NEURL4: variants seen among roughly 807,000 people sequenced by gnomAD.
NEURL4 encodes neuralized E3 ubiquitin protein ligase 4.
A neutral mutation model predicts 148.0 loss-of-function variants in NEURL4; 45 were observed. The ratio of observed to expected loss-of-function variants is 0.30; its 90% CI spans 0.24 to 0.39. NEURL4 has a LOEUF of 0.39. NEURL4 is among the 10% of genes least tolerant of loss of function. NEURL4 has a pLI of 1.00. For missense variants in NEURL4, 1,776 were observed against 2,144.0 expected (o/e 0.83, Z 3.39); for synonymous variants, 854 against 869.0 (o/e 0.98, Z 0.30).
intron 1 of NEURL4, 62 bp downstream of exon 1, chr17:7,328,969 G>C (rs1488047367): frequency 1.4e-6 from 2 of 1,442,352 alleles, no homozygotes; most frequent in Admixed American, 5.0e-5. Flanking sequence ...GTCCTACCCC[G>C]TCTCCCTCTA....
chr17:7,324,411 T>C lies in NEURL4; in HGVS notation c.1883A>G (p.Asn628Ser), dbSNP rs1362264200. The stretch of plus-strand genomic sequence containing the variant: ...CTTTCCCACCTTGAGGCGGTCCAGA[T>C]TGTGCCCGTATTCATCCAGGATGGT... ...GTTILDEYGH[N>S]LDRLKAGDTV... Residue 628 changes from asparagine (N) to serine (S), a missense_variant, in exon 10 of 29, where the codon AAT becomes AGT. By Grantham distance (46) the Asn-to-Ser change is conservative. Coordinates refer to ENST00000399464, the MANE Select transcript of NEURL4 (RefSeq NM_032442.3). This position sits in a 1 kb window ranked among gnomAD's most constrained non-coding sequence, Gnocchi z 5.9. 6.2e-7 allele frequency: 1 copy of C among 1,614,184 alleles called. No individual in the cohort carries two copies. Among genetic ancestry groups the C allele is most frequent in the Non-Finnish European group, 8.5e-7 (1 of 1,180,022 alleles).
Position 7,326,644 on chromosome 17 carries a change from C to T in NEURL4, c.1092+67G>A, listed in dbSNP as rs1567623041. 6.2e-7 allele frequency: 1 copy of T among 1,605,454 alleles called. No homozygotes were observed. The highest frequency in any genetic ancestry group is 2.2e-5 in the East Asian group (1 of 44,696). ...TCCCCAGGGCCCACCCTCCTAGCAC[C>T]AAGGGTCAATCCCCATCTTTAGCTC... On this transcript the variant is annotated intron_variant, in intron 4 of 28. Transcript: ENST00000399464. The surrounding 1 kb of genome is among the most constrained non-coding windows in gnomAD (Gnocchi z 6.0).
In NEURL4 at chr17:7,327,374, G is replaced by A. The variant is rs1050434122; in HGVS notation, c.727+66C>T. On this transcript the variant is annotated intron_variant, in intron 2 of 28. Coordinates refer to ENST00000399464, the MANE Select transcript of NEURL4 (RefSeq NM_032442.3). This position sits in a 1 kb window ranked among gnomAD's most constrained non-coding sequence, Gnocchi z 6.6. ...GGGTGGCCCTGCCCACACCCAGCCT[G>A]TCTTGTCACTCTATTTCCCCCATTC... 6.1e-6 allele frequency: 9 copies of A among 1,463,916 alleles called. No homozygotes were observed. Among genetic ancestry groups the A allele is most frequent in the Non-Finnish European group, 8.3e-6 (9 of 1,080,424 alleles). 90.7% of individuals were successfully genotyped at this position (1,463,916 alleles called of 1,614,324 possible). A position where few individuals can be genotyped will look rare whatever the true frequency, so the allele number is the denominator to read the frequency against.
At position 7,322,910 on chromosome 17, in the gene NEURL4, C is replaced by G. The variant is rs372207664; in HGVS notation, c.2593+38G>C. On this transcript the variant is annotated intron_variant, in intron 15 of 28. Coordinates refer to ENST00000399464, the MANE Select transcript of NEURL4 (RefSeq NM_032442.3). This position sits in a 1 kb window ranked among gnomAD's most constrained non-coding sequence, Gnocchi z 5.5. ...GTCAGAAGCCTGACAGCCAGGTGGTCTGGGCTGAGGGTGGCAGGCTGAAAG... is the reference window on the plus strand; with the variant it reads ...GTCAGAAGCCTGACAGCCAGGTGGTGTGGGCTGAGGGTGGCAGGCTGAAAG... 5.8e-5 allele frequency: 93 copies of G among 1,611,104 alleles called. No individual in the cohort carries two copies. The highest frequency in any genetic ancestry group is 7.6e-5 in the Non-Finnish European group (89 of 1,177,588).
Position 7,324,596 on chromosome 17 carries a change from A to C in NEURL4, c.1814-116T>G, listed in dbSNP as rs1372053592. The C allele has an allele frequency of 3.5e-6, 4 of 1,129,554 alleles. No individual in the cohort carries two copies. The East Asian group carries it at 7.4e-5, about 21-fold the overall frequency. The allele number at this position is 1,129,554 out of a possible 1,614,324, so 70.0% of individuals were successfully genotyped here. Reference sequence around the variant, plus strand: ...AGTCCACCTTGCCTTTTCTTTGATGACTAGATTTCTTCCCTGAGCAGGACA... The same window carrying C: ...AGTCCACCTTGCCTTTTCTTTGATGCCTAGATTTCTTCCCTGAGCAGGACA... On this transcript the variant is annotated intron_variant, in intron 9 of 28. Coordinates refer to ENST00000399464, the MANE Select transcript of NEURL4 (RefSeq NM_032442.3). The surrounding 1 kb of genome is among the most constrained non-coding windows in gnomAD (Gnocchi z 5.9).
Position 7,318,821 on chromosome 17 carries a change from G to T in NEURL4, c.3685-147C>A. On this transcript the variant is annotated intron_variant, in intron 22 of 28. Coordinates refer to ENST00000399464, the MANE Select transcript of NEURL4 (RefSeq NM_032442.3). The surrounding 1 kb of genome is among the most constrained non-coding windows in gnomAD (Gnocchi z 4.3). ...GTTCTCCTCCCACTGCAGTTACCTA[G>T]AGCCCCTCCCCTTCCCCAAAACTGG... 1 of 995,144 alleles carries T rather than the reference G, an allele frequency of 1.0e-6. No individual in the cohort carries two copies. The highest frequency in any genetic ancestry group is 1.5e-6 in the Non-Finnish European group (1 of 687,536). The allele number at this position is 995,144 out of a possible 1,614,324, so 61.6% of individuals were successfully genotyped here. A position where few individuals can be genotyped will look rare whatever the true frequency, so the allele number is the denominator to read the frequency against.
chr17:7,318,320 C>T lies in NEURL4; in HGVS notation c.3901G>A (p.Gly1301Arg). 1 of 1,614,152 alleles carries T rather than the reference C, an allele frequency of 6.2e-7. No individual in the cohort carries two copies. Among genetic ancestry groups the T allele is most frequent in the Non-Finnish European group, 8.5e-7 (1 of 1,180,016 alleles). Residue 1301 changes from glycine to arginine, a missense_variant, in exon 24 of 29, where the codon GGG (glycine) becomes AGG (arginine). Transcript: ENST00000399464. This position sits in a 1 kb window ranked among gnomAD's most constrained non-coding sequence, Gnocchi z 4.3. Reference protein sequence around the residue: ...IVNPEPGAASGKSAGTQGDME... With the variant: ...IVNPEPGAASRKSAGTQGDME... The stretch of plus-strand genomic sequence containing the variant: ...TCCCCTTGGGTTCCAGCACTTTTCC[C>T]ACTGGCAGCCCCTGGCTCAGGGTTC...
chr17:7,322,071 A>G lies in NEURL4; in HGVS notation c.2726-61T>C, dbSNP rs1303218277. ...TGGGGCAGCGAGCTTCAGGCAGAAC[A>G]CAGAGCAAAGCTTTCAGATGAAACG... On this transcript the variant is annotated intron_variant, in intron 16 of 28. Transcript: ENST00000399464. This position sits in a 1 kb window ranked among gnomAD's most constrained non-coding sequence, Gnocchi z 5.5. 1.3e-6 allele frequency: 2 copies of G among 1,524,668 alleles called. No homozygotes were observed. The highest frequency in any genetic ancestry group is 1.4e-5 in the African/African-American group (1 of 72,386). 94.4% of individuals were successfully genotyped at this position (1,524,668 alleles called of 1,614,324 possible). A position where few individuals can be genotyped will look rare whatever the true frequency, so the allele number is the denominator to read the frequency against.
chr17:7,321,833 C>T lies in NEURL4; in HGVS notation c.2871+32G>A, dbSNP rs1245418788. ...AAGCTGGCCCTGTCGTGATGGGCCT[C>T]GCAGCCCCTCTGTCACATCACTACG... On this transcript the variant is annotated intron_variant, in intron 17 of 28. Coordinates refer to ENST00000399464, the MANE Select transcript of NEURL4 (RefSeq NM_032442.3). The surrounding 1 kb of genome is among the most constrained non-coding windows in gnomAD (Gnocchi z 6.3). 8.7e-6 allele frequency: 14 copies of T among 1,611,102 alleles called. No individual in the cohort carries two copies. The East Asian group carries it at 8.9e-5, about 10-fold the overall frequency.
Position 7,326,145 on chromosome 17 carries a change from C to G in NEURL4, c.1293+110G>C, listed in dbSNP as rs2073100935. 4.0e-6 allele frequency: 4 copies of G among 1,003,940 alleles called. No individual in the cohort carries two copies. In the Admixed American group the frequency reaches 8.2e-5, roughly 21 times the overall value. 62.2% of individuals were successfully genotyped at this position (1,003,940 alleles called of 1,614,324 possible). A position where few individuals can be genotyped will look rare whatever the true frequency, so the allele number is the denominator to read the frequency against. ...GGAAGGAACCTTTAGGTGGAAGATA[C>G]AGGGACTGCCTCTAGGTCACATAGG... On this transcript the variant is annotated intron_variant, in intron 6 of 28. Transcript: ENST00000399464. This position sits in a 1 kb window ranked among gnomAD's most constrained non-coding sequence, Gnocchi z 6.0.
rs2073061862 is a variant in NEURL4, at chr17:7,323,719, G to A, written c.2266C>T (p.Leu756=). 3.1e-6 allele frequency: 5 copies of A among 1,614,126 alleles called. No individual in the cohort carries two copies. In the East Asian group the frequency reaches 6.7e-5, roughly 22 times the overall value. ...ATTTCAAACAGCTCTCCATCCCGCA[G>A]GGCCCTGCCAGGAGACTGGCGATCA... ...NDAIVISNRA[L]RDGELFEIVI... Residue 756 remains leucine (L), a synonymous_variant, in exon 13 of 29, where the codon CTG becomes TTG. Transcript: ENST00000399464.
Position 7,317,698 on chromosome 17 carries a change from T to C in NEURL4, c.4205+90A>G, listed in dbSNP as rs1344717209. 1.4e-5 allele frequency: 22 copies of C among 1,575,916 alleles called. No homozygotes were observed. The Admixed American group carries it at 1.7e-4, about 12-fold the overall frequency. On this transcript the variant is annotated intron_variant, in intron 26 of 28. Transcript: ENST00000399464. ...TCCTGGCTTTTCCTTAGACAGGAAG[T>C]TCTATTACTTCTTCCATGCACCCTC...
rs975699536 is a variant in NEURL4 at position 7,326,114 on chromosome 17, C to T, written c.1293+141G>A. On this transcript the variant is annotated intron_variant, in intron 6 of 28. Transcript: ENST00000399464. This position sits in a 1 kb window ranked among gnomAD's most constrained non-coding sequence, Gnocchi z 6.0. ...GTGCTGAACTCTTGGGCAACTCAGG[C>T]TTCTAGGAAGGAACCTTTAGGTGGA... is the stretch of plus-strand genomic sequence containing the variant. The T allele has an allele frequency of 1.2e-5, 9 of 764,114 alleles. No individual in the cohort carries two copies. Among genetic ancestry groups the T allele is most frequent in the Non-Finnish European group, 1.7e-5 (8 of 459,208 alleles). 47.3% of individuals were successfully genotyped at this position (764,114 alleles called of 1,614,324 possible).
chr17:7,329,041 ATGCGGACGG>A lies in NEURL4; in HGVS notation c.263_271del (p.Thr88_Arg90del). 6.3e-7 allele frequency: 1 copy of A among 1,581,242 alleles called. No individual in the cohort carries two copies. The highest frequency in any genetic ancestry group is 8.6e-7 in the Non-Finnish European group (1 of 1,161,666). On this transcript the variant is annotated inframe_deletion, in exon 1 of 29. Transcript: ENST00000399464. The stretch of plus-strand genomic sequence containing the variant: ...GTACCAGCGCTGCACCTTGCGGTCG[ATGCGGACGG>A]TGAAGACGCGTCCATCGCGCAAGGG...
chr17:7,318,525 C>T lies in NEURL4; in HGVS notation c.3834G>A (p.Ala1278=), dbSNP rs775578113. 43 of 1,611,238 alleles carry T rather than the reference C, an allele frequency of 2.7e-5. No individual in the cohort carries two copies. Among genetic ancestry groups the T allele is most frequent in the East Asian group, 8.9e-5 (4 of 44,884 alleles). Residue 1278 remains alanine, a synonymous_variant, in exon 23 of 29, where the codon GCG becomes GCA. Coordinates refer to ENST00000399464, the MANE Select transcript of NEURL4 (RefSeq NM_032442.3). This position sits in a 1 kb window ranked among gnomAD's most constrained non-coding sequence, Gnocchi z 4.3. ...AVPDVPQPCH[A]LVDLYGQCEQ... Reference sequence around the variant, plus strand: ...CACACTGCCCATAGAGGTCCACAAGCGCATGGCAGGGCTGGGGCACATCTG... The same window carrying T: ...CACACTGCCCATAGAGGTCCACAAGTGCATGGCAGGGCTGGGGCACATCTG...
Position 7,317,773 on chromosome 17 carries a change from C to T in NEURL4, c.4205+15G>A. ...GAAAACAGTAGGGGAAAGGCATGAC[C>T]TTGCCCATATGTACCTGAGGTTGAA... On this transcript the variant is annotated intron_variant, in intron 26 of 28. Coordinates refer to ENST00000399464, the MANE Select transcript of NEURL4 (RefSeq NM_032442.3). 2 of 1,612,354 alleles carry T rather than the reference C, an allele frequency of 1.2e-6. No homozygotes were observed. The highest frequency in any genetic ancestry group is 2.2e-5 in the South Asian group (2 of 91,034).
rs1218913930 is a variant in NEURL4, at chr17:7,319,151, T to C, written c.3583A>G (p.Thr1195Ala). The change falls in exon 22 of 29, where the codon ACC becomes GCC. Residue 1195 changes from threonine to alanine, a missense_variant. Transcript: ENST00000399464. ...AAGTTGAGCCTCTCAGGCGCGCAGG[T>C]GATGACTCCCAGGACAAGGGAAGAT... ...WTSSLVLGVITCAPERLNFPA... is the reference protein window; with the variant it reads ...WTSSLVLGVIACAPERLNFPA... 3 of 1,613,908 alleles carry C rather than the reference T, an allele frequency of 1.9e-6. No individual in the cohort carries two copies. Among genetic ancestry groups the C allele is most frequent in the Middle Eastern group, 3.3e-4 (2 of 6,062 alleles).
chr17:7,326,129 C>A lies in NEURL4; in HGVS notation c.1293+126G>T. The A allele has an allele frequency of 1.1e-6, 1 of 881,916 alleles. No individual in the cohort carries two copies. The highest frequency in any genetic ancestry group is 2.7e-5 in the East Asian group (1 of 37,668). The allele number at this position is 881,916 out of a possible 1,614,324, so 54.6% of individuals were successfully genotyped here. On this transcript the variant is annotated intron_variant, in intron 6 of 28. Transcript: ENST00000399464. This position sits in a 1 kb window ranked among gnomAD's most constrained non-coding sequence, Gnocchi z 6.0. ...GCAACTCAGGCTTCTAGGAAGGAAC[C>A]TTTAGGTGGAAGATACAGGGACTGC... is the stretch of plus-strand genomic sequence containing the variant.
Position 7,318,421 on chromosome 17 carries a change from G to C in NEURL4, c.3865-65C>G. 6.2e-7 allele frequency: 1 copy of C among 1,610,978 alleles called. No individual in the cohort carries two copies. On this transcript the variant is annotated intron_variant, in intron 23 of 28. Coordinates refer to ENST00000399464, the MANE Select transcript of NEURL4 (RefSeq NM_032442.3). The surrounding 1 kb of genome is among the most constrained non-coding windows in gnomAD (Gnocchi z 4.3). Reference sequence around the variant, plus strand: ...CCCAGGGCCTGCTGATCCCTCCCTGGAACAGAGATTTCCCCTGTCCTGGAC... The same window carrying C: ...CCCAGGGCCTGCTGATCCCTCCCTGCAACAGAGATTTCCCCTGTCCTGGAC...
Sources: gnomAD v4.1 joint callset for allele counts on GRCh38, gnomAD v4.1.1 for gene constraint, Gnocchi (gnomAD v3.1) non-coding constraint, MANE v1.5 for transcripts, NCBI Gene and HGNC (gene_info 2026-07-23, HGNC 2026-07-21) for gene names.